Variants in CSMD1 observed in about 807,000 individuals in gnomAD.
CSMD1 encodes CUB and Sushi multiple domains 1, also known as CUB and sushi domain-containing protein 1.
Under a neutral mutation model 417.5 loss-of-function variants are expected in CSMD1, and 213 were observed. The ratio of observed to expected loss-of-function variants is 0.51; its 90% CI spans 0.46 to 0.57. The LOEUF (loss-of-function observed/expected upper bound fraction) is 0.57, where lower values mean the gene tolerates loss of function less well. CSMD1 is among the 20% of genes least tolerant of loss of function. The pLI is 0.00. For missense variants in CSMD1, 6,923 were observed against 4,529.7 expected (o/e 1.53, Z -15.17); for synonymous variants, 2,862 against 1,736.8 (o/e 1.65, Z -16.11).
intron 7 of CSMD1, among the ~76,000 whole-genome samples, chr8:3,637,968 T>C (rs897591263): frequency 3.3e-5 from 5 of 152,210 alleles, no homozygotes; most frequent in African/African-American, 1.2e-4. Context: ...TCTGCCATGA[T>C]TGTGAGGCCT....
intron 49 of CSMD1, among the ~76,000 whole-genome samples, chr8:3,073,146 A>C (rs1353206553): frequency 6.6e-6 from 1 of 152,188 alleles, no homozygotes; most frequent in African/African-American, 2.4e-5. Context: ...AAACTTTGCA[A>C]ATAGAGTGAG....
intron 10 of CSMD1, among the ~76,000 whole-genome samples, chr8:3,527,188 A>T (rs1272605206): frequency 6.6e-6 from 1 of 152,166 alleles, no homozygotes; most frequent in African/African-American, 2.4e-5. Flanking sequence ...TTTTAATATA[A>T]AACACTATTA....
intron 1 of CSMD1, among the ~76,000 whole-genome samples, chr8:4,759,202 G>C (rs565899904): frequency 2.0e-5 from 3 of 152,252 alleles, no homozygotes; most frequent in African/African-American, 7.2e-5. Flanking sequence ...CTTGACTTGA[G>C]GCCAGAGGCT....
chr8:3,892,190 T>C (rs1355903986), intron 5 of CSMD1, among the ~76,000 whole-genome samples: 1 of 152,156 alleles, frequency 6.6e-6, no homozygotes, highest in Non-Finnish European at 1.5e-5. Flanking sequence ...CTGCTTCCAA[T>C]GTGTAGCCCT....
chr8:3,107,786 T>C lies in CSMD1; in HGVS notation c.6767A>G (p.Lys2256Arg). Residue 2256 changes from lysine (K) to arginine (R), a missense_variant, in exon 45 of 70, where the codon AAG becomes AGG. By Grantham distance (26) the Lys-to-Arg change is conservative (BLOSUM62 2). Transcript: ENST00000635120. ...FVLNFHAFQL[K>R]KCQPPPAVPQ... is the part of the protein sequence containing the mutation. ...AACCGCTGGGGGAGGTTGACATTTCTTGAGCTGAAATGCTAAATGATTAAT... is the reference window on the plus strand; with the variant it reads ...AACCGCTGGGGGAGGTTGACATTTCCTGAGCTGAAATGCTAAATGATTAAT... 1 of 1,581,638 alleles carries C rather than the reference T, an allele frequency of 6.3e-7. No individual in the cohort carries two copies. The highest frequency in any genetic ancestry group is 8.6e-7 in the Non-Finnish European group (1 of 1,168,234).
At chr8:4,131,478 G>A (rs962508871) in intron 3 of CSMD1, among the ~76,000 whole-genome samples, 1 of 152,120 alleles carries the variant, frequency 6.6e-6, no homozygotes, top group Non-Finnish European at 1.5e-5. Flanking sequence ...ATAAAAGTTT[G>A]AAACCAAATA....
At position 3,928,728 on chromosome 8, in the gene CSMD1, G is replaced by A. The variant is rs374275201; in HGVS notation, c.818+69175C>T. 2.0e-5 allele frequency among the ~76,000 whole-genome samples: 3 copies of A among 149,872 alleles called. 1 individual carries two copies. Among genetic ancestry groups the A allele is most frequent in the African/African-American group, 7.4e-5 (3 of 40,556 alleles). ...ATCTATGCTATTTCTTAATATACGT[G>A]AATACTTTTGAACCCATTCTGAAAT... On this transcript the variant is annotated intron_variant, in intron 5 of 69. Transcript: ENST00000635120.
chr8:4,394,884 G>A (rs1804094668), intron 3 of CSMD1, among the ~76,000 whole-genome samples: 2 of 152,068 alleles, frequency 1.3e-5, no homozygotes, highest in African/African-American at 2.4e-5. Flanking sequence ...TTGTCTACAC[G>A]TCTGTTTTCA....
At chr8:3,307,916 T>TA (rs1805009020) in intron 24 of CSMD1, 95 bp from the exon 25 acceptor site, 1 of 1,332,512 alleles carries the variant, frequency 7.5e-7, no homozygotes, top group African/African-American at 1.5e-5. Flanking sequence ...ATGTCTGCAT[T>TA]ATATACATAG....
chr8:3,863,613 G>A (rs10503220), intron 5 of CSMD1, among the ~76,000 whole-genome samples: 3 of 152,048 alleles, frequency 2.0e-5, no homozygotes, highest in African/African-American at 4.8e-5. Flanking sequence ...GCAGTAGGAT[G>A]TATGTTTTGT....
chr8:3,566,610 T>TG (rs1158087297), intron 10 of CSMD1, among the ~76,000 whole-genome samples: 1 of 151,420 alleles, frequency 6.6e-6, no homozygotes, highest in Non-Finnish European at 1.5e-5. Flanking sequence ...CATTAAAAAG[T>TG]GGGCAAAGAT....
intron 2 of CSMD1, among the ~76,000 whole-genome samples, chr8:4,486,771 G>C (rs755984804): frequency 6.6e-5 from 10 of 152,190 alleles, no homozygotes; most frequent in Non-Finnish European, 1.2e-4. Flanking sequence ...AAGAACCTGA[G>C]TGATAAACGA....
chr8:3,943,699 G>A (rs1428496165), intron 5 of CSMD1, among the ~76,000 whole-genome samples: 1 of 152,084 alleles, frequency 6.6e-6, no homozygotes, highest in Non-Finnish European at 1.5e-5. Context: ...AAGACACAAT[G>A]CCAATTCTGG....
chr8:4,235,249 G>C (rs1300910098), intron 3 of CSMD1, among the ~76,000 whole-genome samples: 1 of 152,062 alleles, frequency 6.6e-6, no homozygotes, highest in Non-Finnish European at 1.5e-5. Context: ...CATCATTTTT[G>C]TTAGATTTCG....
chr8:4,120,230 C>T (rs557063621), intron 3 of CSMD1, among the ~76,000 whole-genome samples: 1 of 152,134 alleles, frequency 6.6e-6, no homozygotes, highest in African/African-American at 2.4e-5. Context: ...AATTGGCTGA[C>T]AGCCATGACT....
At chr8:4,911,504 A>G (rs1418718604) in intron 1 of CSMD1, among the ~76,000 whole-genome samples, 2 of 152,106 alleles carry the variant, frequency 1.3e-5, no homozygotes, top group Admixed American at 1.3e-4. Context: ...AATGTCATTA[A>G]CATTCCTTAA....
At chr8:4,915,070 C>T (rs1277775589) in intron 1 of CSMD1, among the ~76,000 whole-genome samples, 1 of 152,146 alleles carries the variant, frequency 6.6e-6, no homozygotes, top group African/African-American at 2.4e-5. Context: ...ATTAAATACA[C>T]TCGGTTTCTC....
intron 46 of CSMD1, among the ~76,000 whole-genome samples, chr8:3,103,855 T>A (rs1358378349): frequency 6.6e-6 from 1 of 152,120 alleles, no homozygotes; most frequent in African/African-American, 2.4e-5. Flanking sequence ...GTGATTCTCC[T>A]GCCTCAGCCT....
intron 5 of CSMD1, among the ~76,000 whole-genome samples, chr8:3,930,702 G>C (rs1174561762): frequency 6.7e-6 from 1 of 150,260 alleles, no homozygotes; most frequent in South Asian, 2.1e-4. Context: ...CCTTTCTGCA[G>C]AAAGGAAAAA....
Sources: allele counts gnomAD v4.1 joint callset (sites outside exome capture counted in the v4.1 genomes callset), GRCh38; gene constraint gnomAD v4.1.1; transcripts MANE v1.5; gene names NCBI Gene and HGNC (gene_info 2026-07-23, HGNC 2026-07-21).